PRR35: variants seen among roughly 807,000 people sequenced by gnomAD.
The protein encoded by PRR35 is proline rich 35.
Under a neutral mutation model 18.6 loss-of-function variants are expected in PRR35, and 14 were observed. The ratio of observed to expected loss-of-function variants is 0.75; its 90% confidence interval spans 0.50 to 1.18. The LOEUF is 1.18. PRR35 is among the 50% of genes most tolerant of loss of function. The pLI is 0.00. For missense variants in PRR35, 832 were observed against 792.2 expected, an observed-to-expected ratio of 1.05 and a Z score of -0.60; for synonymous variants, 425 against 378.2, an observed-to-expected ratio of 1.12 and a Z score of -1.43.
Position 564,844 on chromosome 16 carries a change from TG to T in PRR35, c.1255del (p.Glu419SerfsTer40). ...CGAGCCCTCGGTGACTACGCCAGGG[TG>T]GAGCAGCGCCTGGGACAGTTGGGGC... The part of the protein sequence containing the change: ...LTRALGDYAR[V>X]EQRLGQLGPA... On this transcript the variant is annotated frameshift_variant, in exon 3 of 3. Transcript: ENST00000409413. LOFTEE classifies it low-confidence loss of function (END_TRUNC). 6.4e-7 allele frequency: 1 copy of T among 1,559,458 alleles called. No homozygotes were observed. Among genetic ancestry groups the T allele is most frequent in the East Asian group, 2.3e-5 (1 of 42,654 alleles).
Position 564,857 on chromosome 16 carries a change from G to A in PRR35, c.1266G>A (p.Leu422=). Residue 422 remains leucine (L), a synonymous_variant, in exon 3 of 3, where the codon CTG becomes CTA. Transcript: ENST00000409413. The stretch of plus-strand genomic sequence containing the variant: ...ACTACGCCAGGGTGGAGCAGCGCCT[G>A]GGACAGTTGGGGCCCGCGGGGGGCC... The part of the protein sequence containing the change: ...LGDYARVEQR[L]GQLGPAGGLA... The A allele has an allele frequency of 6.4e-7, 1 of 1,563,210 alleles. No homozygotes were observed. Among genetic ancestry groups the A allele is most frequent in the Non-Finnish European group, 8.6e-7 (1 of 1,158,776 alleles).
chr16:560,929 G>T (rs533631715), intron 1 of PRR35, among the ~76,000 whole-genome samples: 106 of 80,622 alleles, frequency 1.3e-3, no homozygotes, highest in Middle Eastern at 7.1e-3. Context: ...GGCGCCCTGC[G>T]TTCCCGGGGG....
upstream of PRR35, among the ~76,000 whole-genome samples, chr16:559,913 T>TCCCCCAGTACAG (rs1555449646): frequency 1.3e-5 from 2 of 152,034 alleles, no homozygotes; most frequent in African/African-American, 4.8e-5. Flanking sequence ...GGCACCCCTG[T>TCCCCCAGTACAG]CCCCCAGGAC....
intron 1 of PRR35, chr16:561,703 C>T (rs1379661991): frequency 1.2e-5 from 12 of 983,330 alleles, no homozygotes; most frequent in African/African-American, 1.7e-5. Context: ...ACGGCACCAA[C>T]ACAGTGTTTT....
Position 564,391 on chromosome 16 carries a change from C to G in PRR35, c.1082+15C>G. ...TCCCGGAGCAGGTGGGCGTCTTGGG[C>G]TCCCGGTTCCTGGGGTGGACGGAGG... On this transcript the variant is annotated intron_variant, in intron 2 of 2. Transcript: ENST00000409413. The G allele has an allele frequency of 6.3e-7, 1 of 1,588,940 alleles. No homozygotes were observed. Among genetic ancestry groups the G allele is most frequent in the Non-Finnish European group, 8.5e-7 (1 of 1,175,772 alleles).
Position 563,247 on chromosome 16 carries a change from C to T in PRR35, c.-39-9C>T, listed in dbSNP as rs1220608696. The T allele has an allele frequency of 6.5e-7, 1 of 1,536,136 alleles. No individual in the cohort carries two copies. The highest frequency in any genetic ancestry group is 8.7e-7 in the Non-Finnish European group (1 of 1,146,464). ...GCAGGCTTGGCACTGACTGTGGCCC[C>T]ATCTACAGGTGGCCATGGTGCCCGG... On this transcript the variant is annotated splice_polypyrimidine_tract_variant and intron_variant, in intron 1 of 2. Coordinates refer to ENST00000409413, the MANE Select transcript of PRR35 (RefSeq NM_145270.3).
chr16:565,270 T>G lies in PRR35; in HGVS notation c.1679T>G (p.Val560Gly). The G allele has an allele frequency of 6.4e-7, 1 of 1,562,992 alleles. No homozygotes were observed. The highest frequency in any genetic ancestry group is 8.7e-7 in the Non-Finnish European group (1 of 1,154,424). Residue 560 changes from valine (V) to glycine (G), a missense_variant, in exon 3 of 3, where the codon GTC becomes GGC. This residue lies in a region of PRR35 where 768 missense variants were observed against 704.1 expected (regional missense o/e 1.09). Coordinates refer to ENST00000409413, the MANE Select transcript of PRR35 (RefSeq NM_145270.3). ...ATRSSQTPEA[V>G]CGLQSPQGAE... is the part of the protein sequence containing the mutation. ...AGGAGTTCCCAGACCCCTGAGGCTGTCTGTGGCCTGCAGAGCCCCCAGGGC... is the reference window on the plus strand; with the variant it reads ...AGGAGTTCCCAGACCCCTGAGGCTGGCTGTGGCCTGCAGAGCCCCCAGGGC...
intron 2 of PRR35, 134 bp downstream of exon 2, chr16:564,510 A>G: frequency 2.8e-6 from 4 of 1,424,910 alleles, no homozygotes; most frequent in Non-Finnish European, 3.7e-6. Context: ...TCCAGGCCAC[A>G]GAGGGGAACT....
rs2035511267 is a variant in PRR35, at chr16:565,027, C to T, written c.1436C>T (p.Ala479Val). Residue 479 changes from alanine (A) to valine (V), a missense_variant, in exon 3 of 3, where the codon GCT (alanine) becomes GTT (valine). By Grantham distance (64) the Ala-to-Val change is moderately conservative. This residue lies in a region of PRR35 where 768 missense variants were observed against 704.1 expected (regional missense o/e 1.09). Coordinates refer to ENST00000409413, the MANE Select transcript of PRR35 (RefSeq NM_145270.3). ...CGTGCGCCCGCCAAGGGGCCCCAGG[C>T]TCTTGGAGAGGCGTGGGGGCGGCCC... ...VKRAPAKGPQ[A>V]LGEAWGRPEL... is the part of the protein sequence containing the mutation. The T allele has an allele frequency of 6.2e-7, 1 of 1,603,280 alleles. No homozygotes were observed. The highest frequency in any genetic ancestry group is 8.5e-7 in the Non-Finnish European group (1 of 1,176,032).
chr16:563,131 G>A (rs2035468338), intron 1 of PRR35, 125 bp from the exon 2 acceptor site: 1 of 973,628 alleles, frequency 1.0e-6, no homozygotes, highest in Non-Finnish European at 1.5e-6. Flanking sequence ...CACGTTGCAG[G>A]GCAGAGGCGG....
chr16:564,853 G>T lies in PRR35; in HGVS notation c.1262G>T (p.Arg421Leu). 1 of 1,561,578 alleles carries T rather than the reference G, an allele frequency of 6.4e-7. No individual in the cohort carries two copies. ...ALGDYARVEQ[R>L]LGQLGPAGGL... ...GGTGACTACGCCAGGGTGGAGCAGCGCCTGGGACAGTTGGGGCCCGCGGGG... is the reference window on the plus strand; with the variant it reads ...GGTGACTACGCCAGGGTGGAGCAGCTCCTGGGACAGTTGGGGCCCGCGGGG... Residue 421 changes from arginine (R) to leucine (L), a missense_variant, in exon 3 of 3, where the codon CGC becomes CTC. Transcript: ENST00000409413.
At chr16:560,980 G>A (rs1567168032) in intron 1 of PRR35, among the ~76,000 whole-genome samples, 1 of 151,352 alleles carries the variant, frequency 6.6e-6, no homozygotes, top group Non-Finnish European at 1.5e-5. Context: ...CAGGGTCCCC[G>A]GCTGCTGGGT....
chr16:564,339 G>T lies in PRR35; in HGVS notation c.1045G>T (p.Ala349Ser). Residue 349 changes from alanine (A) to serine (S), a missense_variant, in exon 2 of 3, where the codon GCA (alanine) becomes TCA (serine). Physicochemically the swap from Ala to Ser is moderately conservative, Grantham distance 99. This residue lies in a region of PRR35 where 768 missense variants were observed against 704.1 expected (regional missense o/e 1.09). Coordinates refer to ENST00000409413, the MANE Select transcript of PRR35 (RefSeq NM_145270.3). ...GGGAAGCAGGCTGGAGCTTCCGAAG[G>T]CATCCCCCAGCCTGACAAGGTTCTG... ...SLGSRLELPKASPSLTRFCSR... is the reference protein window; with the variant it reads ...SLGSRLELPKSSPSLTRFCSR... 1 of 1,583,980 alleles carries T rather than the reference G, an allele frequency of 6.3e-7. No individual in the cohort carries two copies.
Position 564,796 on chromosome 16 carries a change from A to G in PRR35, c.1205A>G (p.Glu402Gly), listed in dbSNP as rs780162316. ...CGGGGCCCAGTGCCAGGAAGCCCGG[A>G]GCATGTGGGCGAGGACCTGACCCGA... ...QPRGPVPGSP[E>G]HVGEDLTRAL... Residue 402 changes from glutamate to glycine, a missense_variant, in exon 3 of 3, where the codon GAG (glutamate) becomes GGG (glycine). Glu to Gly is a moderately conservative substitution (Grantham distance 98). Transcript: ENST00000409413. 6.4e-7 allele frequency: 1 copy of G among 1,553,974 alleles called. No individual in the cohort carries two copies. Among genetic ancestry groups the G allele is most frequent in the South Asian group, 1.2e-5 (1 of 84,686 alleles).
In PRR35 at chr16:564,840, A is replaced by G; in HGVS notation, c.1249A>G (p.Arg417Gly). Residue 417 changes from arginine (R) to glycine (G), a missense_variant, in exon 3 of 3, where the codon AGG (arginine) becomes GGG (glycine). Physicochemically the swap from Arg to Gly is moderately radical, Grantham distance 125. Around this residue, in one of 3 missense-constraint regions of PRR35, gnomAD observed 768 missense variants for 704.1 expected, o/e 1.09. Transcript: ENST00000409413. ...DLTRALGDYA[R>G]VEQRLGQLGP... The stretch of plus-strand genomic sequence containing the variant: ...GACCCGAGCCCTCGGTGACTACGCC[A>G]GGGTGGAGCAGCGCCTGGGACAGTT... 1.3e-6 allele frequency: 2 copies of G among 1,559,932 alleles called. No homozygotes were observed. Among genetic ancestry groups the G allele is most frequent in the Non-Finnish European group, 1.7e-6 (2 of 1,156,492 alleles).
chr16:561,931 C>T lies in PRR35; in HGVS notation c.-40+1270C>T, dbSNP rs994784730. 4.6e-5 allele frequency among the ~76,000 whole-genome samples: 7 copies of T among 152,178 alleles called. No homozygotes were observed. The South Asian group carries it at 1.2e-3, about 27-fold the overall frequency. ...ATCACGGACAAGCAGCCGTGTTCACCGTGATGGAGTGTGAGGTGTGTGCAG... is the reference window on the plus strand; with the variant it reads ...ATCACGGACAAGCAGCCGTGTTCACTGTGATGGAGTGTGAGGTGTGTGCAG... On this transcript the variant is annotated intron_variant, in intron 1 of 2. Transcript: ENST00000409413.
At chr16:562,596 GACACACACAGGCACACAC>G (rs374331930) in intron 1 of PRR35, among the ~76,000 whole-genome samples, 234 of 149,336 alleles carry the variant, frequency 1.6e-3, no homozygotes, top group African/African-American at 5.4e-3. Flanking sequence ...CACACACACA[GACACACACAGGCACACAC>G]ACACACACGC....
At chr16:559,944 C>T (rs2035406704), upstream of PRR35, among the ~76,000 whole-genome samples, 2 of 151,872 alleles carry the variant, frequency 1.3e-5, no homozygotes, top group Admixed American at 6.5e-5. Context: ...GGCCCTGGCT[C>T]GGGTGGGCCG....
Position 563,882 on chromosome 16 carries a change from G to A in PRR35, c.588G>A (p.Gly196=), listed in dbSNP as rs1245817848. 2.5e-6 allele frequency: 4 copies of A among 1,576,876 alleles called. No homozygotes were observed. The highest frequency in any genetic ancestry group is 2.7e-5 in the African/African-American group (2 of 73,876). Residue 196 remains glycine, a synonymous_variant, in exon 2 of 3, where the codon GGG becomes GGA. Transcript: ENST00000409413. The part of the protein sequence containing the change: ...SVPCYPPPAP[G]EFPEAHSLHL... ...CCTGCTATCCCCCGCCTGCCCCAGGGGAGTTCCCTGAGGCCCACAGCCTCC... is the reference window on the plus strand; with the variant it reads ...CCTGCTATCCCCCGCCTGCCCCAGGAGAGTTCCCTGAGGCCCACAGCCTCC...
Sources: allele counts gnomAD v4.1 joint callset (sites outside exome capture counted in the v4.1 genomes callset), GRCh38; gene constraint gnomAD v4.1.1; regional missense constraint gnomAD v4.1.1; transcripts MANE v1.5; gene names NCBI Gene and HGNC (gene_info 2026-07-23, HGNC 2026-07-21).